AFG2A: variants seen among roughly 807,000 people sequenced by gnomAD.
AFG2A encodes the protein AAA ATPase AFG2A.
At chr4:123,145,888 T>C in the AFG2A span, among the ~76,000 whole-genome samples, 2 of 152,152 alleles carry the variant, frequency 1.3e-5, no homozygotes, top group African/African-American at 2.4e-5. Flanking sequence ...TGTTATTTCT[T>C]AATCTTTGGA....
the AFG2A span, among the ~76,000 whole-genome samples, chr4:123,154,352 A>G: frequency 6.6e-6 from 1 of 152,210 alleles, no homozygotes; most frequent in South Asian, 2.1e-4. Flanking sequence ...TGACAAGAGA[A>G]AGGAAAATGG....
At chr4:122,973,505 A>G in the AFG2A span, among the ~76,000 whole-genome samples, 4 of 145,050 alleles carry the variant, frequency 2.8e-5, no homozygotes, top group Non-Finnish European at 4.6e-5. Flanking sequence ...AAGTATTTTT[A>G]TTATTTCATC....
chr4:123,046,078 T>TA, the AFG2A span, among the ~76,000 whole-genome samples: 1 of 149,990 alleles, frequency 6.7e-6, no homozygotes, highest in East Asian at 2.0e-4. Flanking sequence ...GCGTGGGTGA[T>TA]AGAGTGAGAC....
chr4:123,088,065 G>C, the AFG2A span, among the ~76,000 whole-genome samples: 1 of 152,226 alleles, frequency 6.6e-6, no homozygotes, highest in South Asian at 2.1e-4. Context: ...CAAACTCCAT[G>C]ATTTGGATAA....
chr4:123,034,506 A>G, the AFG2A span, among the ~76,000 whole-genome samples: 1 of 151,800 alleles, frequency 6.6e-6, no homozygotes, highest in Non-Finnish European at 1.5e-5. Flanking sequence ...CACCACCAAG[A>G]CAGTACCCAA....
chr4:123,297,266 T>C, the AFG2A span, among the ~76,000 whole-genome samples: 45 of 152,358 alleles, frequency 3.0e-4, no homozygotes, highest in African/African-American at 1.1e-3. Flanking sequence ...AATAATGGCC[T>C]AATTGTTCCT....
the AFG2A span, among the ~76,000 whole-genome samples, chr4:123,134,594 G>GTTT: frequency 1.0e-5 from 1 of 99,188 alleles, no homozygotes; most frequent in Admixed American, 1.3e-4. Context: ...TGAATTTTAG[G>GTTT]ATTTTTTTTT....
At chr4:123,301,340 A>T in the AFG2A span, among the ~76,000 whole-genome samples, 27 of 152,304 alleles carry the variant, frequency 1.8e-4, no homozygotes, top group Admixed American at 1.8e-3. Context: ...AAATTAAAAC[A>T]AAATAATATA....
the AFG2A span, among the ~76,000 whole-genome samples, chr4:123,248,336 G>A: frequency 6.6e-6 from 1 of 152,228 alleles, no homozygotes; most frequent in East Asian, 1.9e-4. Context: ...AGTCTCTAAA[G>A]TCATTCTTCT....
the AFG2A span, among the ~76,000 whole-genome samples, chr4:123,164,204 A>AT: frequency 6.6e-6 from 1 of 152,030 alleles, no homozygotes; most frequent in Non-Finnish European, 1.5e-5. Flanking sequence ...ACCCATAGTG[A>AT]TTTTTCCCTA....
the AFG2A span, among the ~76,000 whole-genome samples, chr4:123,117,286 G>T: frequency 6.6e-6 from 1 of 151,700 alleles, no homozygotes; most frequent in Non-Finnish European, 1.5e-5. Flanking sequence ...TGTCTGCTCA[G>T]TCACAATAAT....
chr4:123,233,438 C>G, the AFG2A span, among the ~76,000 whole-genome samples: 1 of 151,532 alleles, frequency 6.6e-6, no homozygotes, highest in Admixed American at 6.6e-5. Context: ...TTCTCCCCAG[C>G]CTTTAAAAGA....
At chr4:123,221,758 C>T in the AFG2A span, among the ~76,000 whole-genome samples, 1 of 151,892 alleles carries the variant, frequency 6.6e-6, no homozygotes, top group South Asian at 2.1e-4. Flanking sequence ...AACCCCGTCT[C>T]TACTAAAAAT....
the AFG2A span, among the ~76,000 whole-genome samples, chr4:123,047,906 T>C: frequency 1.3e-5 from 2 of 152,032 alleles, no homozygotes; most frequent in Non-Finnish European, 2.9e-5. Context: ...GGTCTTGATA[T>C]GTTGCGCAGG....
chr4:123,092,473 A>G, the AFG2A span, among the ~76,000 whole-genome samples: 1 of 152,232 alleles, frequency 6.6e-6, no homozygotes, highest in South Asian at 2.1e-4. Flanking sequence ...TGTAAGGCTT[A>G]CAGTAAACTT....
chr4:123,193,399 A>T, the AFG2A span, among the ~76,000 whole-genome samples: 7 of 152,354 alleles, frequency 4.6e-5, no homozygotes, highest in African/African-American at 1.7e-4. Flanking sequence ...TATCCAAATG[A>T]AACGTTGACC....
chr4:123,056,299 T>C, the AFG2A span: 1 of 1,269,400 alleles, frequency 7.9e-7, no homozygotes, highest in Non-Finnish European at 1.1e-6. Flanking sequence ...TTATTTTCTC[T>C]TTTGTGTATA....
the AFG2A span, among the ~76,000 whole-genome samples, chr4:123,250,408 A>G: frequency 6.6e-6 from 1 of 150,442 alleles, no homozygotes; most frequent in East Asian, 1.9e-4. Context: ...TTGTTATATA[A>G]GAATGGCAGG....
chr4:123,104,779 A>C, the AFG2A span, among the ~76,000 whole-genome samples: 1 of 152,238 alleles, frequency 6.6e-6, no homozygotes, highest in Non-Finnish European at 1.5e-5. Context: ...GCAAAGCCCT[A>C]ATGCTCTTCA....
Sources: gnomAD v4.1 joint callset for allele counts (sites outside exome capture counted in the v4.1 genomes callset) on GRCh38, gnomAD v4.1.1 for gene constraint, MANE v1.5 for transcripts, NCBI Gene and HGNC (gene_info 2026-07-23, HGNC 2026-07-21) for gene names.